The following ZNF385B variants were observed in gnomAD, a reference collection of about 807,000 sequenced individuals.
ZNF385B encodes the protein zinc finger protein 385B.
Under a neutral mutation model 39.2 loss-of-function variants are expected in ZNF385B, and 23 were observed. That is an observed-to-expected ratio of 0.59 (90% CI 0.42 to 0.83). The LOEUF is 0.83. Ranked by LOEUF, ZNF385B falls within the 40% of genes least tolerant of loss-of-function variation. ZNF385B has a pLI of 0.00. For synonymous variants in ZNF385B, 205 were observed against 222.6 expected, an observed-to-expected ratio of 0.92 and a Z score of 0.70; for missense variants, 552 against 598.9, an observed-to-expected ratio of 0.92 and a Z score of 0.82.
intron 1 of ZNF385B, among the ~76,000 whole-genome samples, chr2:179,788,325 T>C (rs1705126298): frequency 1.3e-5 from 2 of 152,174 alleles, no homozygotes; most frequent in African/African-American, 2.4e-5. Flanking sequence ...TATCTTCCCC[T>C]TGCAGTTACC....
At chr2:179,689,826 T>TGTGTGTGTGTG (rs1491484227) in intron 3 of ZNF385B, among the ~76,000 whole-genome samples, 6 of 46,732 alleles carry the variant, frequency 1.3e-4, no homozygotes, top group African/African-American at 5.7e-4. Context: ...TGTGTGTGTG[T>TGTGTGTGTGTG]TTATTTGTTT....
intron 1 of ZNF385B, among the ~76,000 whole-genome samples, chr2:179,818,000 T>C (rs1022947238): frequency 2.6e-5 from 4 of 152,000 alleles, no homozygotes; most frequent in Middle Eastern, 3.4e-3. Flanking sequence ...CAAGCAACCA[T>C]GTATGGGGAG....
At chr2:179,605,256 A>T (rs1311646724) in intron 3 of ZNF385B, among the ~76,000 whole-genome samples, 2 of 151,976 alleles carry the variant, frequency 1.3e-5, no homozygotes, top group South Asian at 2.1e-4. Context: ...TTTTTCAGTA[A>T]GATTTACTTT....
chr2:179,482,095 A>G (rs2054067480), intron 6 of ZNF385B, among the ~76,000 whole-genome samples: 1 of 152,196 alleles, frequency 6.6e-6, no homozygotes, highest in Admixed American at 6.5e-5. Flanking sequence ...GCTTAGCTCA[A>G]TCCTTCTACG....
intron 6 of ZNF385B, among the ~76,000 whole-genome samples, chr2:179,476,016 C>CAAAAA (rs34327373): frequency 3.5e-5 from 2 of 57,036 alleles, no homozygotes; most frequent in Non-Finnish European, 6.4e-5. Flanking sequence ...GCCTCTGTCT[C>CAAAAA]AAAAAAAAAA....
chr2:179,567,878 C>G (rs1684778237), intron 3 of ZNF385B, among the ~76,000 whole-genome samples: 1 of 152,188 alleles, frequency 6.6e-6, no homozygotes, highest in Non-Finnish European at 1.5e-5. Flanking sequence ...CAACATTTGT[C>G]TGGACTACAG....
intron 3 of ZNF385B, among the ~76,000 whole-genome samples, chr2:179,701,348 G>T (rs1699185504): frequency 6.6e-6 from 1 of 152,056 alleles, no homozygotes; most frequent in Non-Finnish European, 1.5e-5. Context: ...CAATTTATAG[G>T]TAAACTCAAG....
chr2:179,841,881 T>C (rs1025740712), intron 1 of ZNF385B, among the ~76,000 whole-genome samples: 7 of 152,148 alleles, frequency 4.6e-5, no homozygotes, highest in African/African-American at 1.4e-4. Context: ...CCAATGGCAA[T>C]GGACGCCTGA....
chr2:179,493,446 T>G (rs1056532553), intron 5 of ZNF385B, among the ~76,000 whole-genome samples: 1 of 150,794 alleles, frequency 6.6e-6, no homozygotes, highest in Admixed American at 6.6e-5. Context: ...CGTATATGCA[T>G]GTGTACATGT....
chr2:179,632,651 C>T (rs1691343605), intron 3 of ZNF385B, among the ~76,000 whole-genome samples: 2 of 152,038 alleles, frequency 1.3e-5, no homozygotes, highest in South Asian at 4.2e-4. Context: ...ACTAGAGAAG[C>T]AAGAGCAAAC....
intron 3 of ZNF385B, among the ~76,000 whole-genome samples, chr2:179,569,623 ATGTTT>A (rs1440955657): frequency 6.6e-6 from 1 of 152,198 alleles, no homozygotes; most frequent in Non-Finnish European, 1.5e-5. Context: ...ATCACCACAA[ATGTTT>A]TGTTTTGACA....
intron 3 of ZNF385B, among the ~76,000 whole-genome samples, chr2:179,592,151 T>C (rs1687617711): frequency 6.6e-6 from 1 of 152,196 alleles, no homozygotes; most frequent in Non-Finnish European, 1.5e-5. Context: ...TGGCAGATTC[T>C]CTTTCCCTGC....
At chr2:179,509,086 A>G (rs919486062) in intron 5 of ZNF385B, among the ~76,000 whole-genome samples, 1 of 152,012 alleles carries the variant, frequency 6.6e-6, no homozygotes, top group African/African-American at 2.4e-5. Context: ...AGCTGGGACT[A>G]CAGGCACCCA....
rs775623581 is a variant in ZNF385B, at chr2:179,617,985, C to T, written c.299-73016G>A. ...CACGTTTCTCCCGTGCTCACTCTCT[C>T]TTCTTCTTCCTGATTATTATTACTC... is the stretch of plus-strand genomic sequence containing the variant. On this transcript the variant is annotated intron_variant, in intron 3 of 9. Transcript: ENST00000410066. 7.7e-4 allele frequency among the ~76,000 whole-genome samples: 117 copies of T among 152,076 alleles called. 1 individual carries two copies. The highest frequency in any genetic ancestry group is 2.2e-4 in the Non-Finnish European group (15 of 68,012).
intron 1 of ZNF385B, among the ~76,000 whole-genome samples, chr2:179,784,375 T>A (rs917680791): frequency 6.6e-6 from 1 of 152,000 alleles, no homozygotes; most frequent in Non-Finnish European, 1.5e-5. Flanking sequence ...GTACTGGGTT[T>A]AATACATGAG....
intron 4 of ZNF385B, among the ~76,000 whole-genome samples, chr2:179,540,394 C>T (rs1465722663): frequency 6.6e-6 from 1 of 152,034 alleles, no homozygotes; most frequent in Non-Finnish European, 1.5e-5. Context: ...TGCGGTGAGC[C>T]GAGATCCTGC....
At chr2:179,715,051 C>T (rs917669113) in intron 3 of ZNF385B, among the ~76,000 whole-genome samples, 2 of 151,396 alleles carry the variant, frequency 1.3e-5, no homozygotes, top group Non-Finnish European at 2.9e-5. Flanking sequence ...ACCCCCAAAC[C>T]ATGCACATCC....
chr2:179,493,488 T>C (rs2055504352), intron 5 of ZNF385B, among the ~76,000 whole-genome samples: 1 of 95,802 alleles, frequency 1.0e-5, no homozygotes, highest in Non-Finnish European at 2.4e-5. Context: ...CACATATGTA[T>C]AAACGTGTGT....
intron 6 of ZNF385B, among the ~76,000 whole-genome samples, chr2:179,469,956 G>T (rs1458047053): frequency 1.3e-5 from 2 of 152,140 alleles, no homozygotes; most frequent in Non-Finnish European, 2.9e-5. Context: ...TCTCCCCAAT[G>T]GGGGAAACTT....
Sources: allele counts gnomAD v4.1 joint callset (sites outside exome capture counted in the v4.1 genomes callset), GRCh38; gene constraint gnomAD v4.1.1; transcripts MANE v1.5; gene names NCBI Gene and HGNC (gene_info 2026-07-23, HGNC 2026-07-21).